Variants in PDE7B observed in about 807,000 individuals in gnomAD.
PDE7B encodes the protein 3',5'-cyclic-AMP phosphodiesterase 7B.
A neutral mutation model predicts 56.2 loss-of-function variants in PDE7B; 29 were observed. That is an observed-to-expected ratio of 0.52 (90% CI 0.38 to 0.70). The LOEUF is 0.70. PDE7B is among the 30% of genes least tolerant of loss of function. PDE7B has a pLI of 0.00. For missense variants in PDE7B, 490 were observed against 565.0 expected (o/e 0.87, Z 1.35); for synonymous variants, 197 against 196.9 (o/e 1.00, Z 0.00).
rs1175072780 is a variant in PDE7B at position 135,951,773 on chromosome 6, T to C, written c.82+4249T>C. 3.9e-5 allele frequency among the ~76,000 whole-genome samples: 6 copies of C among 152,310 alleles called. No homozygotes were observed. In the East Asian group the frequency reaches 1.2e-3, roughly 29 times the overall value. On this transcript the variant is annotated intron_variant, in intron 2 of 12. Coordinates refer to ENST00000308191, the MANE Select transcript of PDE7B (RefSeq NM_018945.4). ...TCATTGGCCCTGTTTTTGTCTCATG[T>C]ATGATTTCTTTCATGCTGATGAGTA...
chr6:136,143,602 T>C (rs991493277), intron 3 of PDE7B, among the ~76,000 whole-genome samples: 2 of 152,124 alleles, frequency 1.3e-5, no homozygotes, highest in Non-Finnish European at 2.9e-5. Flanking sequence ...GTTACTATTA[T>C]TCATTTGACT....
At chr6:136,191,484 TG>T in intron 12 of PDE7B, 129 bp from the exon 13 acceptor site, 1 of 763,126 alleles carries the variant, frequency 1.3e-6, no homozygotes, top group Non-Finnish European at 2.2e-6. Context: ...CTGGCCAACA[TG>T]GGGAAACCCC....
intron 8 of PDE7B, among the ~76,000 whole-genome samples, chr6:136,171,102 CATA>C (rs1167347979): frequency 6.6e-6 from 1 of 152,094 alleles, no homozygotes; most frequent in African/African-American, 2.4e-5. Flanking sequence ...ATGGTACAGA[CATA>C]ATGTTTCCTA....
chr6:136,144,853 A>G (rs2128446433), intron 3 of PDE7B, among the ~76,000 whole-genome samples: 1 of 152,266 alleles, frequency 6.6e-6, no homozygotes, highest in Non-Finnish European at 1.5e-5. Flanking sequence ...TTGTATCCTC[A>G]GTGCATTACA....
At chr6:136,079,202 C>T (rs999115673) in intron 2 of PDE7B, among the ~76,000 whole-genome samples, 2 of 152,076 alleles carry the variant, frequency 1.3e-5, no homozygotes, top group African/African-American at 4.8e-5. Flanking sequence ...GTAAATCAAA[C>T]CTTCCTAAGT....
At position 136,018,541 on chromosome 6, in the gene PDE7B, C is replaced by A. The variant is rs552644739; in HGVS notation, c.82+71017C>A. Among the ~76,000 whole-genome samples, 4 of 152,214 alleles carry A rather than the reference C, an allele frequency of 2.6e-5. No individual in the cohort carries two copies. The East Asian group carries it at 5.8e-4, about 22-fold the overall frequency. ...AACACTTGGCATGTGTCTGGGCCAT[C>A]GTGACATTCAAAGTTAAAGGAAAAT... is the stretch of plus-strand genomic sequence containing the variant. On this transcript the variant is annotated intron_variant, in intron 2 of 12. Transcript: ENST00000308191.
At chr6:135,874,662 T>A (rs539196027) in intron 1 of PDE7B, among the ~76,000 whole-genome samples, 1 of 152,196 alleles carries the variant, frequency 6.6e-6, no homozygotes, top group Non-Finnish European at 1.5e-5. Flanking sequence ...ATTTTTATTT[T>A]AAAAAATCCA....
At chr6:136,011,616 G>C (rs1775896611) in intron 2 of PDE7B, among the ~76,000 whole-genome samples, 1 of 152,130 alleles carries the variant, frequency 6.6e-6, no homozygotes, top group South Asian at 2.1e-4. Flanking sequence ...GTCGGTGTTG[G>C]CTAACCAGAG....
chr6:136,151,166 G>A lies in PDE7B; in HGVS notation c.389G>A (p.Ser130Asn). The A allele has an allele frequency of 6.3e-7, 1 of 1,594,926 alleles. No homozygotes were observed. The highest frequency in any genetic ancestry group is 2.2e-5 in the East Asian group (1 of 44,750). The change falls in exon 6 of 13, where the codon AGC (serine) becomes AAC (asparagine). Residue 130 changes from serine to asparagine, a missense_variant. Transcript: ENST00000308191. ...AGTGACTGTTTTCCTGCAGGAAACA[G>A]CCTGGTAACACTGTTGTGCCACCTC... ...FLFDRLTNGN[S>N]LVTLLCHLFN...
intron 2 of PDE7B, among the ~76,000 whole-genome samples, chr6:136,013,029 G>C (rs1463582619): frequency 6.6e-6 from 1 of 152,224 alleles, no homozygotes; most frequent in East Asian, 1.9e-4. Context: ...CAGATGCAGG[G>C]TATTTTTCAA....
At chr6:136,155,803 C>G in intron 8 of PDE7B, 45 bp downstream of exon 8, 1 of 1,602,444 alleles carries the variant, frequency 6.2e-7, no homozygotes. Flanking sequence ...GGTCAATCGC[C>G]TTAGGCCCGG....
intron 2 of PDE7B, chr6:136,043,943 A>G (rs1776455645): frequency 6.6e-6 from 1 of 152,036 alleles, no homozygotes; most frequent in African/African-American, 2.4e-5. Context: ...TCTGGCACGA[A>G]CTCATTTTTC....
At chr6:135,951,424 CAG>C (rs138638559) in intron 2 of PDE7B, among the ~76,000 whole-genome samples, 2,580 of 152,184 alleles carry the variant, frequency 0.017, 38 homozygotes, top group Non-Finnish European at 0.026. Context: ...AGTTACAAAA[CAG>C]AGTTTACTTT....
At chr6:136,119,075 C>A (rs375567021) in intron 3 of PDE7B, among the ~76,000 whole-genome samples, 1 of 152,112 alleles carries the variant, frequency 6.6e-6, no homozygotes, top group African/African-American at 2.4e-5. Context: ...GAAATGGAAT[C>A]GCTATTGTGA....
chr6:136,078,743 TATTTAG>T (rs1777160221), intron 2 of PDE7B, among the ~76,000 whole-genome samples: 5 of 151,914 alleles, frequency 3.3e-5, no homozygotes, highest in Admixed American at 2.6e-4. Context: ...GTAGAATTTA[TATTTAG>T]AAAGTACATA....
rs113033512 is a variant in PDE7B at position 135,932,191 on chromosome 6, C to T, written c.22-15273C>T. Among the ~76,000 whole-genome samples the T allele has an allele frequency of 2.0e-5, 3 of 152,026 alleles. No homozygotes were observed. In the East Asian group the frequency reaches 5.8e-4, roughly 29 times the overall value. The stretch of plus-strand genomic sequence containing the variant: ...TCAGGAAAGTGTCATAAAAGATTGC[C>T]ATTTCAGATATAAAAAAATAGAAAG... On this transcript the variant is annotated intron_variant, in intron 1 of 12. Coordinates refer to ENST00000308191, the MANE Select transcript of PDE7B (RefSeq NM_018945.4).
chr6:135,902,849 C>T (rs9483888), intron 1 of PDE7B, among the ~76,000 whole-genome samples: 20 of 152,166 alleles, frequency 1.3e-4, no homozygotes, highest in Admixed American at 4.6e-4. Context: ...AGTATATAAT[C>T]GGCACATCCT....
chr6:135,934,764 T>A (rs1774363093), intron 1 of PDE7B, among the ~76,000 whole-genome samples: 1 of 82,540 alleles, frequency 1.2e-5, no homozygotes, highest in Non-Finnish European at 2.6e-5. Context: ...ATTTTTTAAA[T>A]ATATATATAT....
chr6:135,951,426 G>C (rs1774696732), intron 2 of PDE7B, among the ~76,000 whole-genome samples: 1 of 146,994 alleles, frequency 6.8e-6, no homozygotes, highest in Non-Finnish European at 1.6e-5. Context: ...TTACAAAACA[G>C]AGTTTACTTT....
Sources: allele counts gnomAD v4.1 joint callset (sites outside exome capture counted in the v4.1 genomes callset), GRCh38; gene constraint gnomAD v4.1.1; transcripts MANE v1.5; gene names NCBI Gene and HGNC (gene_info 2026-07-23, HGNC 2026-07-21).